Variants in KCNH5 observed in about 807,000 individuals in gnomAD.
KCNH5 encodes voltage-gated delayed rectifier potassium channel KCNH5.
In KCNH5, 46 loss-of-function variants were observed where a neutral mutation model predicts 96.1. The observed-to-expected ratio is 0.48, with a 90% confidence interval of 0.38 to 0.61. The LOEUF is 0.61. Among genes scored for constraint, KCNH5 ranks in the 20% least tolerant of loss-of-function variants. The pLI is 0.00. For missense variants in KCNH5, 907 were observed against 1,225.8 expected (o/e 0.74, Z 3.88); for synonymous variants, 439 against 449.8 (o/e 0.98, Z 0.30).
At chr14:62,777,177 A>T (rs911467874) in intron 10 of KCNH5, among the ~76,000 whole-genome samples, 2 of 152,274 alleles carry the variant, frequency 1.3e-5, no homozygotes, top group Non-Finnish European at 2.9e-5. Context: ...GAGAAACTAT[A>T]AATTGTTGAC....
At chr14:62,968,635 G>A (rs955502996) in intron 6 of KCNH5, among the ~76,000 whole-genome samples, 1 of 152,158 alleles carries the variant, frequency 6.6e-6, no homozygotes, top group Non-Finnish European at 1.5e-5. Context: ...ATGTCACAAA[G>A]GTTTCCCTCT....
At chr14:62,733,566 T>C (rs1418604551) in intron 10 of KCNH5, among the ~76,000 whole-genome samples, 1 of 150,032 alleles carries the variant, frequency 6.7e-6, no homozygotes, top group Non-Finnish European at 1.5e-5. Flanking sequence ...AGGTACTACT[T>C]TTACTCATGC....
At chr14:62,792,023 A>G (rs1373649126) in intron 9 of KCNH5, among the ~76,000 whole-genome samples, 2 of 151,678 alleles carry the variant, frequency 1.3e-5, no homozygotes, top group Non-Finnish European at 3.0e-5. Flanking sequence ...ATAAGACTAT[A>G]TGATTTTTAA....
At chr14:63,026,807 A>T (rs556697665) in intron 1 of KCNH5, among the ~76,000 whole-genome samples, 1 of 152,200 alleles carries the variant, frequency 6.6e-6, no homozygotes, top group East Asian at 1.9e-4. Flanking sequence ...TTCCTCAAAA[A>T]ATTAAAAATA....
intron 7 of KCNH5, among the ~76,000 whole-genome samples, chr14:62,867,370 T>C (rs1321497135): frequency 6.6e-6 from 1 of 152,178 alleles, no homozygotes; most frequent in Non-Finnish European, 1.5e-5. Flanking sequence ...TCTACCTTCA[T>C]CTTCTGATAC....
chr14:62,991,893 T>C (rs369863498), intron 4 of KCNH5, among the ~76,000 whole-genome samples: 3 of 152,174 alleles, frequency 2.0e-5, no homozygotes, highest in Admixed American at 2.0e-4. Flanking sequence ...GTATCAATTG[T>C]ATAATGGTCA....
At chr14:63,003,894 A>C (rs1180890390) in intron 3 of KCNH5, among the ~76,000 whole-genome samples, 2 of 151,744 alleles carry the variant, frequency 1.3e-5, no homozygotes, top group Non-Finnish European at 2.9e-5. Flanking sequence ...TGCTGAGATT[A>C]CAGGTGTCAG....
intron 2 of KCNH5, among the ~76,000 whole-genome samples, chr14:63,015,197 C>T (rs17812266): frequency 0.14 from 21,457 of 152,030 alleles, 1,908 homozygotes; most frequent in Non-Finnish European, 0.2. Flanking sequence ...CCTGGATAGG[C>T]ACCAGAATCA....
intron 6 of KCNH5, among the ~76,000 whole-genome samples, chr14:62,953,278 C>A (rs573863868): frequency 6.6e-6 from 1 of 152,038 alleles, no homozygotes; most frequent in African/African-American, 2.4e-5. Flanking sequence ...CCAACTGACG[C>A]CCTCTCAAAA....
chr14:63,001,336 G>A lies in KCNH5; in HGVS notation c.428C>T (p.Thr143Ile). The A allele has an allele frequency of 6.3e-7, 1 of 1,592,636 alleles. No homozygotes were observed. The highest frequency in any genetic ancestry group is 1.2e-5 in the South Asian group (1 of 86,660). The change falls in exon 4 of 11, where the codon ACA becomes ATA. Residue 143 changes from threonine to isoleucine, a missense_variant. Thr to Ile is a moderately conservative substitution (Grantham distance 89, BLOSUM62 -1). Around this residue, in one of 6 missense-constraint regions of KCNH5, gnomAD observed 370 missense variants for 561.3 expected, o/e 0.66. Coordinates refer to ENST00000322893, the MANE Select transcript of KCNH5 (RefSeq NM_139318.5). ...GTAATTCTTTTGAAAATTACCTTTT[G>A]TTGAATCATCCTCTATTGGCTGTTT... ...LFKQPIEDDS[T>I]KGWTKFARLT...
rs1324056357 is a variant in KCNH5, at chr14:62,994,866, C to T, written c.433+6465G>A. Among the ~76,000 whole-genome samples the T allele has an allele frequency of 5.3e-5, 8 of 152,024 alleles. No homozygotes were observed. In the East Asian group the frequency reaches 1.5e-3, roughly 29 times the overall value. ...AATGACCAATAATGAATATAAAATTCTTGGCATACATTAACTACTCCATCA... is the reference window on the plus strand; with the variant it reads ...AATGACCAATAATGAATATAAAATTTTTGGCATACATTAACTACTCCATCA... On this transcript the variant is annotated intron_variant, in intron 4 of 10. Transcript: ENST00000322893.
chr14:62,763,035 C>A (rs1566652674), intron 10 of KCNH5, among the ~76,000 whole-genome samples: 2 of 151,996 alleles, frequency 1.3e-5, no homozygotes, highest in Non-Finnish European at 2.9e-5. Flanking sequence ...ACACTTGATC[C>A]AATGGACCTA....
At chr14:62,877,919 A>T in intron 7 of KCNH5, among the ~76,000 whole-genome samples, 1 of 151,850 alleles carries the variant, frequency 6.6e-6, no homozygotes, top group Non-Finnish European at 1.5e-5. Flanking sequence ...GGCACTATTC[A>T]CAATAGCAAA....
chr14:62,937,493 C>G (rs1889707765), intron 7 of KCNH5, among the ~76,000 whole-genome samples: 2 of 152,166 alleles, frequency 1.3e-5, no homozygotes, highest in Admixed American at 1.3e-4. Context: ...CACCCCTAGC[C>G]CACCTTCCTA....
intron 10 of KCNH5, among the ~76,000 whole-genome samples, chr14:62,751,098 C>A (rs553926503): frequency 6.6e-6 from 1 of 152,212 alleles, no homozygotes; most frequent in African/African-American, 2.4e-5. Flanking sequence ...GAGCATCTAG[C>A]AACAAAGCCT....
At chr14:62,722,251 A>T (rs548005631) in intron 10 of KCNH5, among the ~76,000 whole-genome samples, 5 of 152,344 alleles carry the variant, frequency 3.3e-5, no homozygotes, top group African/African-American at 1.2e-4. Context: ...AAACATAATT[A>T]TTCCAGTTAC....
intron 10 of KCNH5, among the ~76,000 whole-genome samples, chr14:62,772,566 G>A (rs538918024): frequency 3.7e-4 from 56 of 150,338 alleles, no homozygotes; most frequent in Admixed American, 8.0e-4. Flanking sequence ...GAACCTGGGA[G>A]GTGGAGGTTG....
At chr14:62,867,425 T>G (rs992938869) in intron 7 of KCNH5, among the ~76,000 whole-genome samples, 1 of 152,162 alleles carries the variant, frequency 6.6e-6, no homozygotes, top group Non-Finnish European at 1.5e-5. Flanking sequence ...AACCACTGGC[T>G]TCTTATACAC....
intron 10 of KCNH5, among the ~76,000 whole-genome samples, chr14:62,740,241 AG>A (rs1885243566): frequency 6.6e-6 from 1 of 152,164 alleles, no homozygotes; most frequent in Admixed American, 6.6e-5. Flanking sequence ...GGTATTTGTG[AG>A]GGTATATTTG....
Sources: allele counts gnomAD v4.1 joint callset (sites outside exome capture counted in the v4.1 genomes callset), GRCh38; gene constraint gnomAD v4.1.1; regional missense constraint gnomAD v4.1.1; transcripts MANE v1.5; gene names NCBI Gene and HGNC (gene_info 2026-07-23, HGNC 2026-07-21).